Variants in OR10H1 observed in about 807,000 individuals in gnomAD.
OR10H1 encodes the protein olfactory receptor family 10 subfamily H member 1.
In OR10H1, 12 loss-of-function variants were observed where a neutral mutation model predicts 13.1. The ratio of observed to expected loss-of-function variants is 0.92; its 90% confidence interval spans 0.59 to 1.48. OR10H1 has a LOEUF of 1.48. Among genes scored for constraint, OR10H1 ranks in the 40% most tolerant of loss-of-function variants. The pLI is 0.00. For missense variants in OR10H1, 363 were observed against 413.1 expected, an observed-to-expected ratio of 0.88 and a Z score of 1.05; for synonymous variants, 168 against 175.6, an observed-to-expected ratio of 0.96 and a Z score of 0.34.
At chr19:15,812,054 T>C (rs760058541) in intron 2 of OR10H1, among the ~76,000 whole-genome samples, 176 bp downstream of exon 2, 10 of 152,166 alleles carry the variant, frequency 6.6e-5, no homozygotes, top group Non-Finnish European at 1.2e-4. Context: ...TTATTGAATA[T>C]TTACCCCCAC....
At position 15,807,850 on chromosome 19, in the gene OR10H1, A is replaced by G. The variant is rs1325800689; in HGVS notation, c.188T>C (p.Leu63Pro). The change falls in exon 4 of 4, where the codon CTG becomes CCG. Residue 63 changes from leucine (L) to proline (P), a missense_variant. Physicochemically the swap from Leu to Pro is moderately conservative, Grantham distance 98. Around this residue, in one of 3 missense-constraint regions of OR10H1, gnomAD observed 318 missense variants for 366.6 expected, o/e 0.87. Transcript: ENST00000641419. ...RSLHTPMYLFLCALSVSEILY... is the reference protein window; with the variant it reads ...RSLHTPMYLFPCALSVSEILY... ...GATCTCGGAGACGGAGAGGGCGCAC[A>G]GGAAGAGGTACATGGGCGTGTGGAG... 19 of 1,611,270 alleles carry G rather than the reference A, an allele frequency of 1.2e-5. No homozygotes were observed. Among genetic ancestry groups the G allele is most frequent in the Non-Finnish European group, 1.4e-5 (17 of 1,177,738 alleles).
intron 1 of OR10H1, among the ~76,000 whole-genome samples, chr19:15,815,192 T>C (rs1317300339): frequency 6.6e-6 from 1 of 151,898 alleles, no homozygotes; most frequent in Non-Finnish European, 1.5e-5. Flanking sequence ...ATACAAAAAA[T>C]TAGCCAGGCA....
chr19:15,806,721 C>G lies in OR10H1; in HGVS notation c.*360G>C. ...CAGTGCTTGGCTGGAACGTAATTTT[C>G]TTTTTTTCTTTCTTTCTTTCTTCTT... On this transcript the variant is annotated 3_prime_UTR_variant, in exon 4 of 4. Transcript: ENST00000641419. The G allele has an allele frequency of 4.9e-6, 1 of 202,792 alleles. No individual in the cohort carries two copies. Among genetic ancestry groups the G allele is most frequent in the East Asian group, 1.3e-4 (1 of 7,638 alleles). The allele number at this position is 202,792 out of a possible 1,614,324, so 12.6% of individuals were successfully genotyped here.
In OR10H1 at chr19:15,807,471, A is replaced by G; in HGVS notation, c.567T>C (p.Cys189=). Residue 189 remains cysteine (C), a synonymous_variant, in exon 4 of 4, where the codon TGT becomes TGC. Transcript: ENST00000641419. ...TGGCCACCACCAGCACATCGTCTCCACAGGCCAACTTCAACAGAGGTGGCA... is the reference window on the plus strand; with the variant it reads ...TGGCCACCACCAGCACATCGTCTCCGCAGGCCAACTTCAACAGAGGTGGCA... The part of the protein sequence containing the change: ...CHVPPLLKLA[C]GDDVLVVAKG... 1 of 1,614,220 alleles carries G rather than the reference A, an allele frequency of 6.2e-7. No homozygotes were observed. The highest frequency in any genetic ancestry group is 1.1e-5 in the South Asian group (1 of 91,086).
In OR10H1 at chr19:15,807,677, C is replaced by G. The variant is rs893357990; in HGVS notation, c.361G>C (p.Asp121His). 7 of 1,613,884 alleles carry G rather than the reference C, an allele frequency of 4.3e-6. No homozygotes were observed. Among genetic ancestry groups the G allele is most frequent in the African/African-American group, 1.3e-5 (1 of 74,904 alleles). The change falls in exon 4 of 4, where the codon GAC becomes CAC. Residue 121 changes from aspartate (D) to histidine (H), a missense_variant. Asp to His is a moderately conservative substitution (Grantham distance 81). This residue lies in a region of OR10H1 where 318 missense variants were observed against 366.6 expected (regional missense o/e 0.87). Transcript: ENST00000641419. ...HSFLLTVMGY[D>H]RYVAICHPLR... ...GGGTGGCAGATGGCCACGTAGCGGT[C>G]GTAGCCCATGACGGTGAGCAGGAAG...
At position 15,806,821 on chromosome 19, in the gene OR10H1, G is replaced by T; in HGVS notation, c.*260C>A. 1 of 415,968 alleles carries T rather than the reference G, an allele frequency of 2.4e-6. No individual in the cohort carries two copies. Among genetic ancestry groups the T allele is most frequent in the Non-Finnish European group, 4.4e-6 (1 of 227,714 alleles). 25.8% of individuals were successfully genotyped at this position (415,968 alleles called of 1,614,324 possible). ...CAGCTCACTGCAACCTCCACCTACCGGGTCAAGCGATTCTTATGCCTCAGC... is the reference window on the plus strand; with the variant it reads ...CAGCTCACTGCAACCTCCACCTACCTGGTCAAGCGATTCTTATGCCTCAGC... On this transcript the variant is annotated 3_prime_UTR_variant, in exon 4 of 4. Coordinates refer to ENST00000641419, the MANE Select transcript of OR10H1 (RefSeq NM_013940.4).
intron 2 of OR10H1, among the ~76,000 whole-genome samples, chr19:15,811,980 C>T (rs1441721550): frequency 6.6e-6 from 1 of 152,200 alleles, no homozygotes; most frequent in East Asian, 1.9e-4. Context: ...CCGATGAGAG[C>T]AGCTGCCCTT....
chr19:15,811,735 T>C (rs1010116045), intron 2 of OR10H1, among the ~76,000 whole-genome samples: 1 of 152,158 alleles, frequency 6.6e-6, no homozygotes, highest in Non-Finnish European at 1.5e-5. Context: ...AGCCACCCAT[T>C]CCTGGGTGCT....
At chr19:15,815,068 C>T (rs981887228) in intron 1 of OR10H1, among the ~76,000 whole-genome samples, 1 of 152,134 alleles carries the variant, frequency 6.6e-6, no homozygotes, top group Non-Finnish European at 1.5e-5. Context: ...TGGCTGGGCA[C>T]GATGGCTCAT....
At chr19:15,814,964 T>C (rs1282872909) in intron 1 of OR10H1, among the ~76,000 whole-genome samples, 1 of 152,130 alleles carries the variant, frequency 6.6e-6, no homozygotes, top group African/African-American at 2.4e-5. Flanking sequence ...TTGGGTCACA[T>C]TGAGCATTGG....
intron 2 of OR10H1, among the ~76,000 whole-genome samples, chr19:15,811,414 G>T (rs1001187554): frequency 1.3e-5 from 2 of 152,120 alleles, no homozygotes; most frequent in African/African-American, 4.8e-5. Context: ...GTGGGGAGCT[G>T]TTCTGTGTCT....
Position 15,807,652 on chromosome 19 carries a change from G to C in OR10H1, c.386C>G (p.Pro129Arg). ...GYDRYVAICH[P>R]LRYNVLMSPR... ...GCTCATGAGCACGTTGTAGCGCAGGGGGTGGCAGATGGCCACGTAGCGGTC... is the reference window on the plus strand; with the variant it reads ...GCTCATGAGCACGTTGTAGCGCAGGCGGTGGCAGATGGCCACGTAGCGGTC... Residue 129 changes from proline to arginine, a missense_variant, in exon 4 of 4, where the codon CCC becomes CGC. By Grantham distance (103) the Pro-to-Arg change is moderately radical. Coordinates refer to ENST00000641419, the MANE Select transcript of OR10H1 (RefSeq NM_013940.4). The C allele has an allele frequency of 2.5e-6, 4 of 1,614,120 alleles. No homozygotes were observed. Among genetic ancestry groups the C allele is most frequent in the Non-Finnish European group, 3.4e-6 (4 of 1,179,988 alleles).
Position 15,807,665 on chromosome 19 carries a change from C to T in OR10H1, c.373G>A (p.Ala125Thr). 1 of 1,614,024 alleles carries T rather than the reference C, an allele frequency of 6.2e-7. No individual in the cohort carries two copies. Among genetic ancestry groups the T allele is most frequent in the Non-Finnish European group, 8.5e-7 (1 of 1,179,956 alleles). ...TTGTAGCGCAGGGGGTGGCAGATGGCCACGTAGCGGTCGTAGCCCATGACG... is the reference window on the plus strand; with the variant it reads ...TTGTAGCGCAGGGGGTGGCAGATGGTCACGTAGCGGTCGTAGCCCATGACG... Reference protein sequence around the residue: ...LTVMGYDRYVAICHPLRYNVL... With the variant: ...LTVMGYDRYVTICHPLRYNVL... Residue 125 changes from alanine to threonine, a missense_variant, in exon 4 of 4, where the codon GCC becomes ACC. Transcript: ENST00000641419.
rs865926476 is a variant in OR10H1 at position 15,806,838 on chromosome 19, T to C, written c.*243A>G. On this transcript the variant is annotated 3_prime_UTR_variant, in exon 4 of 4. Coordinates refer to ENST00000641419, the MANE Select transcript of OR10H1 (RefSeq NM_013940.4). Reference sequence around the variant, plus strand: ...CACCTACCGGGTCAAGCGATTCTTATGCCTCAGCCTCCCAAGTAGCTAGGG... The same window carrying C: ...CACCTACCGGGTCAAGCGATTCTTACGCCTCAGCCTCCCAAGTAGCTAGGG... 2.2e-6 allele frequency: 1 copy of C among 457,900 alleles called. No individual in the cohort carries two copies. Among genetic ancestry groups the C allele is most frequent in the African/African-American group, 2.0e-5 (1 of 50,696 alleles). The allele number at this position is 457,900 out of a possible 1,614,324, so 28.4% of individuals were successfully genotyped here.
intron 1 of OR10H1, among the ~76,000 whole-genome samples, chr19:15,814,218 TG>T (rs2088950802): frequency 6.6e-6 from 1 of 152,066 alleles, no homozygotes; most frequent in Non-Finnish European, 1.5e-5. Flanking sequence ...CCTTATACGT[TG>T]TCACGTGTCT....
At chr19:15,815,166 CCT>C (rs778801680) in intron 1 of OR10H1, among the ~76,000 whole-genome samples, 2 of 152,012 alleles carry the variant, frequency 1.3e-5, no homozygotes, top group Non-Finnish European at 2.9e-5. Context: ...TGGTGAAACC[CCT>C]GTCTCTACTA....
rs1009679326 is a variant in OR10H1, at chr19:15,805,039, C to G, written c.*2042G>C. ...TGTCTTCTTTTGAGAAGTGTCTGTT[C>G]ATATCCTTTGCCCACTTTTTGATGG... On this transcript the variant is annotated 3_prime_UTR_variant, in exon 4 of 4. Coordinates refer to ENST00000641419, the MANE Select transcript of OR10H1 (RefSeq NM_013940.4). 6.6e-6 allele frequency: 1 copy of G among 152,064 alleles called. No individual in the cohort carries two copies. Among genetic ancestry groups the G allele is most frequent in the African/African-American group, 2.4e-5 (1 of 41,404 alleles). The allele number at this position is 152,064 out of a possible 1,614,324, so 9.4% of individuals were successfully genotyped here.
Position 15,812,492 on chromosome 19 carries a change from AGGAGGGAG to A in OR10H1, c.-399_-392del. On this transcript the variant is annotated 5_prime_UTR_variant, in exon 2 of 4. It introduces an in-frame stop codon into an upstream open reading frame of the 5' UTR. Coordinates refer to ENST00000641419, the MANE Select transcript of OR10H1 (RefSeq NM_013940.4). ...AGGATGGGGACTGCAGGAGGAAGGA[AGGAGGGAG>A]GGAGGGAAGGAGGAAGGAAGGAACG... is the stretch of plus-strand genomic sequence containing the variant. 7.2e-6 allele frequency: 1 copy of A among 139,338 alleles called. No homozygotes were observed. Among genetic ancestry groups the A allele is most frequent in the South Asian group, 2.7e-4 (1 of 3,770 alleles). The allele number at this position is 139,338 out of a possible 1,614,324, so 8.6% of individuals were successfully genotyped here. A position where few individuals can be genotyped will look rare whatever the true frequency, so the allele number is the denominator to read the frequency against.
intron 1 of OR10H1, among the ~76,000 whole-genome samples, chr19:15,814,480 TGAGAGAGAGA>T (rs58307648): frequency 0.027 from 1,846 of 67,476 alleles, 21 homozygotes; most frequent in South Asian, 0.049. Context: ...TGTGTGTGTG[TGAGAGAGAGA>T]GAGAGAGAGA....
Sources: allele counts gnomAD v4.1 joint callset (sites outside exome capture counted in the v4.1 genomes callset), GRCh38; gene constraint gnomAD v4.1.1; regional missense constraint gnomAD v4.1.1; transcripts MANE v1.5; gene names NCBI Gene and HGNC (gene_info 2026-07-23, HGNC 2026-07-21).